Variants in CACNA1D observed in about 807,000 individuals in gnomAD.
The protein encoded by CACNA1D is voltage-dependent L-type calcium channel subunit alpha-1D.
A neutral mutation model predicts 257.1 loss-of-function variants in CACNA1D; 55 were observed. The observed-to-expected ratio is 0.21, with a 90% CI of 0.17 to 0.27. CACNA1D has a LOEUF of 0.27. CACNA1D is among the 10% of genes least tolerant of loss of function. The pLI, the probability that CACNA1D is intolerant of heterozygous loss-of-function variation, is 1.00. For synonymous variants in CACNA1D, 980 were observed against 1,014.9 expected, an observed-to-expected ratio of 0.97 and a Z score of 0.65; for missense variants, 1,876 against 2,784.0, an observed-to-expected ratio of 0.67 and a Z score of 7.34.
intron 3 of CACNA1D, among the ~76,000 whole-genome samples, chr3:53,551,130 G>T (rs1559827964): frequency 1.3e-5 from 2 of 152,224 alleles, no homozygotes; most frequent in Non-Finnish European, 2.9e-5. Context: ...TGTTTTAATA[G>T]TGGAAGAAAT....
At chr3:53,520,895 TTTTCTTTTC>T (rs2091541442) in intron 3 of CACNA1D, among the ~76,000 whole-genome samples, 2 of 86,804 alleles carry the variant, frequency 2.3e-5, no homozygotes, top group East Asian at 3.9e-4. Context: ...TCTTTCTTTC[TTTTCTTTTC>T]TTTTCTTTTC....
intron 29 of CACNA1D, among the ~76,000 whole-genome samples, chr3:53,758,107 A>G (rs993969788): frequency 2.6e-5 from 4 of 152,208 alleles, no homozygotes; most frequent in African/African-American, 7.2e-5. Context: ...GCCTCTGGGC[A>G]TGAGACGATA....
chr3:53,607,838 G>A (rs1192110652), intron 3 of CACNA1D, among the ~76,000 whole-genome samples: 1 of 152,168 alleles, frequency 6.6e-6, no homozygotes, highest in Non-Finnish European at 1.5e-5. Flanking sequence ...AATAAATTAT[G>A]TATGTGTGTT....
At chr3:53,638,086 A>T (rs1215011927) in intron 3 of CACNA1D, among the ~76,000 whole-genome samples, 1 of 152,242 alleles carries the variant, frequency 6.6e-6, no homozygotes, top group Admixed American at 6.5e-5. Context: ...CGTTCGTATG[A>T]AAGAGTAGTT....
chr3:53,753,484 G>T, intron 28 of CACNA1D, 88 bp from the exon 29 acceptor site: 1 of 901,218 alleles, frequency 1.1e-6, no homozygotes, highest in Non-Finnish European at 1.9e-6. Flanking sequence ...GATGCCCACA[G>T]GGGCACAGAG....
chr3:53,635,868 C>T (rs2093877156), intron 3 of CACNA1D, among the ~76,000 whole-genome samples: 5 of 152,166 alleles, frequency 3.3e-5, no homozygotes, highest in Admixed American at 3.3e-4. Flanking sequence ...CCATTTGATT[C>T]CTTAGGACAG....
At chr3:53,545,975 G>A (rs1237142973) in intron 3 of CACNA1D, among the ~76,000 whole-genome samples, 1 of 152,168 alleles carries the variant, frequency 6.6e-6, no homozygotes, top group African/African-American at 2.4e-5. Flanking sequence ...GTGTGAATCA[G>A]TGCCTTTTGG....
intron 39 of CACNA1D, chr3:53,781,974 A>AT (rs2095427542): frequency 3.0e-6 from 1 of 334,050 alleles, no homozygotes; most frequent in African/African-American, 2.1e-5. Flanking sequence ...AAAAGCCTAT[A>AT]TTTTTTGTCC....
At chr3:53,611,103 G>C (rs1420803700) in intron 3 of CACNA1D, among the ~76,000 whole-genome samples, 1 of 152,200 alleles carries the variant, frequency 6.6e-6, no homozygotes, top group Non-Finnish European at 1.5e-5. Flanking sequence ...TTTTGGCCAG[G>C]AACTGTGGCT....
intron 3 of CACNA1D, among the ~76,000 whole-genome samples, chr3:53,607,527 A>C (rs2107928737): frequency 6.6e-6 from 1 of 152,314 alleles, no homozygotes; most frequent in Non-Finnish European, 1.5e-5. Context: ...GGCATTGCTG[A>C]TGTCTTCTAG....
intron 3 of CACNA1D, among the ~76,000 whole-genome samples, chr3:53,596,629 C>T (rs201568902): frequency 4.6e-5 from 7 of 152,218 alleles, no homozygotes; most frequent in Middle Eastern, 3.4e-3. Context: ...GTGATGGAAG[C>T]GCAGAAGTCA....
chr3:53,605,228 G>C (rs1274858646), intron 3 of CACNA1D, among the ~76,000 whole-genome samples: 1 of 152,170 alleles, frequency 6.6e-6, no homozygotes, highest in African/African-American at 2.4e-5. Context: ...CAATTCCCAT[G>C]TAGTGTGAGA....
chr3:53,631,761 A>G (rs2093824663), intron 3 of CACNA1D, among the ~76,000 whole-genome samples: 1 of 152,258 alleles, frequency 6.6e-6, no homozygotes. Flanking sequence ...CAGAATGGAT[A>G]TTAGCAGGCA....
intron 3 of CACNA1D, among the ~76,000 whole-genome samples, chr3:53,626,124 A>T (rs2093755634): frequency 1.3e-5 from 2 of 152,182 alleles, no homozygotes; most frequent in African/African-American, 4.8e-5. Context: ...TGTACTTTCT[A>T]ATTAAAAGGG....
intron 15 of CACNA1D, among the ~76,000 whole-genome samples, chr3:53,729,097 T>G (rs187347060): frequency 2.7e-4 from 41 of 152,292 alleles, no homozygotes; most frequent in Admixed American, 2.1e-3. Context: ...CTAGCCCCTG[T>G]CCGAGTTACC....
chr3:53,744,572 G>A (rs1427540671), intron 22 of CACNA1D, among the ~76,000 whole-genome samples, 168 bp from the exon 23 acceptor site: 1 of 152,192 alleles, frequency 6.6e-6, no homozygotes, highest in African/African-American at 2.4e-5. Context: ...TGTGGGCGGG[G>A]AGGAGAAGTC....
chr3:53,532,980 C>T (rs2107462986), intron 3 of CACNA1D, among the ~76,000 whole-genome samples: 1 of 152,320 alleles, frequency 6.6e-6, no homozygotes, highest in South Asian at 2.1e-4. Flanking sequence ...GCCACAACTG[C>T]ACAGCCAGTG....
rs1294735684 is a variant in CACNA1D at position 53,682,372 on chromosome 3, A to AC, written c.1220+9246_1220+9247insC. 1.3e-3 allele frequency among the ~76,000 whole-genome samples: 111 copies of AC among 85,340 alleles called. 1 individual carries two copies. The highest frequency in any genetic ancestry group is 4.6e-3 in the African/African-American group (109 of 23,742). The allele number at this position is 85,340 out of a possible 152,430, so 56.0% of individuals were successfully genotyped here. A position where few individuals can be genotyped will look rare whatever the true frequency, so the allele number is the denominator to read the frequency against. ...GCGAGGCTTTGTCTCTGGTAAAAAA[A>AC]AAAAAAAAAAAAAAAAAAAAAAAAC... On this transcript the variant is annotated intron_variant, in intron 8 of 47. Coordinates refer to ENST00000350061, the MANE Select transcript of CACNA1D (RefSeq NM_001128840.3).
intron 9 of CACNA1D, among the ~76,000 whole-genome samples, chr3:53,706,028 C>T (rs528200044): frequency 5.3e-5 from 8 of 152,312 alleles, no homozygotes; most frequent in Admixed American, 5.2e-4. Flanking sequence ...GCCAGTGTTA[C>T]GGTGTCTGCA....
Sources: allele counts gnomAD v4.1 joint callset (sites outside exome capture counted in the v4.1 genomes callset), GRCh38; gene constraint gnomAD v4.1.1; transcripts MANE v1.5; gene names NCBI Gene and HGNC (gene_info 2026-07-23, HGNC 2026-07-21).